Variants in GIGYF2 observed in about 807,000 individuals in gnomAD.
The protein encoded by GIGYF2 is GRB10-interacting GYF protein 2.
A neutral mutation model predicts 208.1 loss-of-function variants in GIGYF2; 25 were observed. The ratio of observed to expected loss-of-function variants is 0.12; its 90% confidence interval spans 0.09 to 0.17. The LOEUF (loss-of-function observed/expected upper bound fraction) is 0.17. GIGYF2 is among the 10% of genes least tolerant of loss of function. The pLI, the probability that GIGYF2 is intolerant of heterozygous loss-of-function variation, is 1.00. For missense variants in GIGYF2, 1,302 were observed against 1,579.4 expected (o/e 0.82, Z 2.98); for synonymous variants, 534 against 543.8 (o/e 0.98, Z 0.25).
At chr2:232,770,486 GA>G (rs1161780568) in intron 8 of GIGYF2, among the ~76,000 whole-genome samples, 1 of 151,630 alleles carries the variant, frequency 6.6e-6, no homozygotes, top group Non-Finnish European at 1.5e-5. Context: ...GCTCAGTGAA[GA>G]AAAAAAACCA....
intron 8 of GIGYF2, among the ~76,000 whole-genome samples, chr2:232,771,615 T>A (rs1184629285): frequency 3.9e-5 from 6 of 152,234 alleles, no homozygotes; most frequent in Non-Finnish European, 8.8e-5. Flanking sequence ...GTTAAAACAT[T>A]GTTTAACACT....
chr2:232,753,511 G>T (rs1485770059), intron 5 of GIGYF2, among the ~76,000 whole-genome samples: 3 of 152,046 alleles, frequency 2.0e-5, no homozygotes, highest in South Asian at 2.1e-4. Flanking sequence ...TGCCTGCCTT[G>T]ACCTCCCAAA....
chr2:232,739,628 C>T (rs560238044), intron 3 of GIGYF2, among the ~76,000 whole-genome samples: 58 of 151,742 alleles, frequency 3.8e-4, no homozygotes, highest in Non-Finnish European at 7.7e-4. Flanking sequence ...GCCATGACTG[C>T]GCTGCTGCAC....
chr2:232,814,489 G>GGAGGCGGA (rs1700842358), intron 18 of GIGYF2, among the ~76,000 whole-genome samples: 1 of 150,864 alleles, frequency 6.6e-6, no homozygotes, highest in Non-Finnish European at 1.5e-5. Context: ...CTTGAACCCT[G>GGAGGCGGA]GAGGCGGAGG....
intron 2 of GIGYF2, among the ~76,000 whole-genome samples, chr2:232,703,950 G>T (rs1191568028): frequency 6.6e-6 from 1 of 152,188 alleles, no homozygotes; most frequent in African/African-American, 2.4e-5. Context: ...CAAACTCATG[G>T]TAGCAAATGG....
At chr2:232,740,112 T>G (rs1023302276) in intron 3 of GIGYF2, among the ~76,000 whole-genome samples, 2 of 152,076 alleles carry the variant, frequency 1.3e-5, no homozygotes, top group African/African-American at 4.8e-5. Context: ...AGTGCTACTC[T>G]GTTTCAAGCA....
At chr2:232,795,474 T>C (rs914436423) in intron 13 of GIGYF2, among the ~76,000 whole-genome samples, 2 of 152,234 alleles carry the variant, frequency 1.3e-5, no homozygotes, top group African/African-American at 2.4e-5. Flanking sequence ...AAAAGCGAGA[T>C]AGTGTCTTAG....
intron 2 of GIGYF2, among the ~76,000 whole-genome samples, chr2:232,725,004 T>C (rs960366552): frequency 2.0e-5 from 3 of 152,238 alleles, no homozygotes; most frequent in Non-Finnish European, 4.4e-5. Flanking sequence ...TCTATATATA[T>C]CCAGTGTATT....
chr2:232,705,170 A>G (rs1354923885), intron 2 of GIGYF2, among the ~76,000 whole-genome samples: 4 of 151,660 alleles, frequency 2.6e-5, no homozygotes, highest in East Asian at 2.0e-4. Flanking sequence ...ACTTCTGGAT[A>G]TTTTTTATAG....
chr2:232,706,509 G>A (rs1490375261), intron 2 of GIGYF2, among the ~76,000 whole-genome samples: 2 of 152,172 alleles, frequency 1.3e-5, no homozygotes, highest in African/African-American at 2.4e-5. Flanking sequence ...GGGGCGTGGT[G>A]GCTCACGCCT....
intron 2 of GIGYF2, among the ~76,000 whole-genome samples, chr2:232,716,071 G>A (rs11683827): frequency 0.087 from 13,143 of 151,738 alleles, 789 homozygotes; most frequent in South Asian, 0.27. Context: ...GCCTTTTTTT[G>A]GACATATGTA....
At chr2:232,817,078 G>GC (rs1468760692) in intron 20 of GIGYF2, 46 bp downstream of exon 20, 2 of 1,368,288 alleles carry the variant, frequency 1.5e-6, no homozygotes, top group Non-Finnish European at 2.1e-6. Flanking sequence ...CTTGATGAGG[G>GC]CTTTCAGGCT....
intron 8 of GIGYF2, among the ~76,000 whole-genome samples, chr2:232,784,583 G>A (rs1699847622): frequency 7.4e-6 from 1 of 134,744 alleles, no homozygotes; most frequent in African/African-American, 2.7e-5. Context: ...GTAGAGATGG[G>A]GTTTCATCGT....
At chr2:232,726,671 A>T (rs1697217186) in intron 2 of GIGYF2, among the ~76,000 whole-genome samples, 1 of 152,108 alleles carries the variant, frequency 6.6e-6, no homozygotes, top group South Asian at 2.1e-4. Context: ...GATTTCTACT[A>T]GGTTAAAATT....
In GIGYF2 at chr2:232,860,597, T is replaced by C. The variant is rs1376124011; in HGVS notation, c.*3737T>C. 6.6e-6 allele frequency: 1 copy of C among 152,206 alleles called. No individual in the cohort carries two copies. Among genetic ancestry groups the C allele is most frequent in the Non-Finnish European group, 1.5e-5 (1 of 68,028 alleles). 9.4% of individuals were successfully genotyped at this position (152,206 alleles called of 1,614,324 possible). ...CTCTAATTAAACAGAAGTGATTCTT[T>C]GAAATGAACATATTCTGTACTGTCC... On this transcript the variant is annotated 3_prime_UTR_variant, in exon 29 of 29. Coordinates refer to ENST00000373563, the MANE Select transcript of GIGYF2 (RefSeq NM_001103146.3).
intron 8 of GIGYF2, among the ~76,000 whole-genome samples, chr2:232,766,192 G>A (rs1698956082): frequency 1.3e-5 from 2 of 152,132 alleles, no homozygotes; most frequent in South Asian, 4.1e-4. Context: ...AAAAGTTTTG[G>A]ATCACGTTTC....
At position 232,806,514 on chromosome 2, in the gene GIGYF2, G is replaced by A. The variant is rs951117489; in HGVS notation, c.1663G>A (p.Ala555Thr). Residue 555 changes from alanine to threonine, a missense_variant, in exon 15 of 29, where the codon GCA (alanine) becomes ACA (threonine). Physicochemically the swap from Ala to Thr is moderately conservative, Grantham distance 58. Coordinates refer to ENST00000373563, the MANE Select transcript of GIGYF2 (RefSeq NM_001103146.3). This position sits in a 1 kb window ranked among gnomAD's most constrained non-coding sequence, Gnocchi z 4.0. ...AGGTCCCTTCAATAATCAGGAGATG[G>A]CAGAATGGTTTCAGGCGGGCTATTT... ...IQGPFNNQEM[A>T]EWFQAGYFTM... is the part of the protein sequence containing the mutation. 2 of 1,609,298 alleles carry A rather than the reference G, an allele frequency of 1.2e-6. No individual in the cohort carries two copies. The highest frequency in any genetic ancestry group is 2.7e-5 in the African/African-American group (2 of 74,812).
intron 2 of GIGYF2, among the ~76,000 whole-genome samples, chr2:232,711,289 A>T (rs1696389038): frequency 6.9e-6 from 1 of 145,378 alleles, no homozygotes; most frequent in African/African-American, 2.5e-5. Flanking sequence ...TTATAGAGAT[A>T]GGGTTTCACC....
Position 232,819,970 on chromosome 2 carries a change from ATTG to A in GIGYF2, c.2517_2519del (p.Leu840del). On this transcript the variant is annotated inframe_deletion, in exon 21 of 29. Transcript: ENST00000373563. The stretch of plus-strand genomic sequence containing the variant: ...AGGAAGAAAGGCGGAAGCAGGAAGA[ATTG>A]TTACGCAAACAGGTGACCAGATGGT... The A allele has an allele frequency of 6.2e-7, 1 of 1,612,014 alleles. No homozygotes were observed. The highest frequency in any genetic ancestry group is 8.5e-7 in the Non-Finnish European group (1 of 1,178,176).
Sources: allele counts gnomAD v4.1 joint callset (sites outside exome capture counted in the v4.1 genomes callset), GRCh38; gene constraint gnomAD v4.1.1; non-coding constraint Gnocchi (gnomAD v3.1); transcripts MANE v1.5; gene names NCBI Gene and HGNC (gene_info 2026-07-23, HGNC 2026-07-21).